Variants in TTLL7 observed in about 807,000 individuals in gnomAD.
TTLL7 encodes tubulin tyrosine ligase like 7.
Under a neutral mutation model 120.2 loss-of-function variants are expected in TTLL7, and 53 were observed. That is an observed-to-expected ratio of 0.44 (90% CI 0.35 to 0.55). TTLL7 has a LOEUF of 0.55. TTLL7 is among the 20% of genes least tolerant of loss of function. TTLL7 has a pLI of 0.00. For synonymous variants in TTLL7, 353 were observed against 351.7 expected, an observed-to-expected ratio of 1.00 and a Z score of -0.04; for missense variants, 803 against 1,054.7, an observed-to-expected ratio of 0.76 and a Z score of 3.31.
intron 17 of TTLL7, 130 bp from the exon 18 acceptor site, chr1:83,904,289 G>C (rs907632948): frequency 3.1e-6 from 2 of 646,722 alleles, no homozygotes; most frequent in African/African-American, 1.9e-5. Context: ...CATGTGCAAA[G>C]ATTTCTAATA....
At chr1:83,885,167 T>C (rs1654874605) in intron 19 of TTLL7, 2 of 187,022 alleles carry the variant, frequency 1.1e-5, no homozygotes, top group Non-Finnish European at 2.0e-5. Context: ...AAATTTCATA[T>C]ACATGTGAAT....
At chr1:83,997,096 T>C (rs1419846158) in intron 1 of TTLL7, among the ~76,000 whole-genome samples, 12 of 152,172 alleles carry the variant, frequency 7.9e-5, no homozygotes, top group East Asian at 1.9e-4. Context: ...AAATATAAAT[T>C]TGTGCCTCCA....
At chr1:83,892,928 G>GAGAAAGAAAGAAA (rs150081804) in intron 18 of TTLL7, among the ~76,000 whole-genome samples, 53,984 of 102,392 alleles carry the variant, frequency 0.53, 13,466 homozygotes, top group Admixed American at 0.59. Context: ...GAAAGAAAAA[G>GAGAAAGAAAGAAA]AGAAAGAAAG....
intron 18 of TTLL7, among the ~76,000 whole-genome samples, chr1:83,892,881 C>A (rs1468977183): frequency 5.4e-4 from 30 of 56,046 alleles, no homozygotes; most frequent in Non-Finnish European, 6.3e-4. Context: ...AAGAAAAGAG[C>A]AAAAAGAGAG....
In TTLL7 at chr1:83,921,298, G is replaced by A. The variant is rs773578261; in HGVS notation, c.1239C>T (p.Ser413=). The part of the protein sequence containing the change: ...QNSIKRLLPG[S]SDWEQQRHQL... ...GGTGTCTCTGCTGTTCCCAGTCTGA[G>A]GAGCCTGGTAAGAGCCTTTTAATTG... The change falls in exon 11 of 21, where the codon TCC becomes TCT. Residue 413 remains serine (S), a synonymous_variant. Coordinates refer to ENST00000260505, the MANE Select transcript of TTLL7 (RefSeq NM_024686.6). The A allele has an allele frequency of 6.2e-7, 1 of 1,613,268 alleles. No homozygotes were observed. Among genetic ancestry groups the A allele is most frequent in the Non-Finnish European group, 8.5e-7 (1 of 1,179,774 alleles).
rs1178141526 is a variant in TTLL7 at position 83,921,384 on chromosome 1, T to G, written c.1153A>C (p.Lys385Gln). The G allele has an allele frequency of 6.2e-7, 1 of 1,611,138 alleles. No individual in the cohort carries two copies. The highest frequency in any genetic ancestry group is 1.1e-5 in the South Asian group (1 of 90,910). ...TTTTGTTTGGCCAAGTTTCTTCTTTTGTCACTGGTCCTAAAATATAAAACA... is the reference window on the plus strand; with the variant it reads ...TTTTGTTTGGCCAAGTTTCTTCTTTGGTCACTGGTCCTAAAATATAAAACA... The part of the protein sequence containing the change: ...LKLLNIRTSD[K>Q]RRNLAKQKAE... The change falls in exon 11 of 21, where the codon AAA becomes CAA. Residue 385 changes from lysine (K) to glutamine (Q), a missense_variant. Coordinates refer to ENST00000260505, the MANE Select transcript of TTLL7 (RefSeq NM_024686.6).
chr1:83,905,436 AGT>A (rs1657104964), intron 17 of TTLL7, among the ~76,000 whole-genome samples: 1 of 151,726 alleles, frequency 6.6e-6, no homozygotes, highest in South Asian at 2.1e-4. Flanking sequence ...ACAGGTCTAA[AGT>A]ATATGCTAAA....
chr1:83,890,614 T>C (rs1222462683), intron 18 of TTLL7, 133 bp from the exon 19 acceptor site: 6 of 619,224 alleles, frequency 9.7e-6, no homozygotes, highest in East Asian at 3.3e-5. Flanking sequence ...CAAAACTGTT[T>C]TAAAAATTAG....
chr1:83,952,961 G>A (rs1369331469), intron 1 of TTLL7, among the ~76,000 whole-genome samples: 2 of 152,130 alleles, frequency 1.3e-5, no homozygotes, highest in East Asian at 1.9e-4. Flanking sequence ...GCAGGGTAGA[G>A]GTCACATGTT....
intron 1 of TTLL7, among the ~76,000 whole-genome samples, chr1:83,954,004 A>G (rs930367030): frequency 2.0e-5 from 3 of 152,208 alleles, no homozygotes; most frequent in Admixed American, 6.5e-5. Context: ...AGAAAGGAGT[A>G]GTGTAAAGTT....
chr1:83,943,483 C>A (rs1417969136), intron 6 of TTLL7, among the ~76,000 whole-genome samples: 2 of 152,164 alleles, frequency 1.3e-5, no homozygotes, highest in Non-Finnish European at 2.9e-5. Context: ...TCCCAACAAT[C>A]ATGCACACAC....
rs539454148 is a variant in TTLL7 at position 83,990,482 on chromosome 1, C to T, written c.-177+8449G>A. ...GAGCCACCGCGCCCGGCCTGGATGC[C>T]TTTTATTTCTTTCTCTTGCCTGATT... is the stretch of plus-strand genomic sequence containing the variant. On this transcript the variant is annotated intron_variant, in intron 1 of 20. Coordinates refer to ENST00000260505, the MANE Select transcript of TTLL7 (RefSeq NM_024686.6). Among the ~76,000 whole-genome samples, 7 of 152,298 alleles carry T rather than the reference C, an allele frequency of 4.6e-5. No homozygotes were observed. The South Asian group carries it at 1.5e-3, about 32-fold the overall frequency.
chr1:83,870,190 T>C (rs1653231668), intron 20 of TTLL7, 108 bp from the exon 21 acceptor site: 1 of 1,059,992 alleles, frequency 9.4e-7, no homozygotes. Context: ...AATGTTACTG[T>C]AACAAAAATG....
At position 83,911,241 on chromosome 1, in the gene TTLL7, G is replaced by A. The variant is rs74351592; in HGVS notation, c.1710C>T (p.Tyr570=). The stretch of plus-strand genomic sequence containing the variant: ...CTTGCTTTTCTCTTTTCTTATTTTG[G>A]TACTCTTCTTTTTCATTTTCGTCAG... ...SESDENEKEE[Y]QNKKREKQVT... Residue 570 remains tyrosine, a synonymous_variant, in exon 15 of 21, where the codon TAC becomes TAT. Coordinates refer to ENST00000260505, the MANE Select transcript of TTLL7 (RefSeq NM_024686.6). 1 of 1,612,858 alleles carries A rather than the reference G, an allele frequency of 6.2e-7. No homozygotes were observed. The highest frequency in any genetic ancestry group is 8.5e-7 in the Non-Finnish European group (1 of 1,179,158).
At chr1:83,940,733 A>G (rs1184939947) in intron 7 of TTLL7, among the ~76,000 whole-genome samples, 1 of 152,104 alleles carries the variant, frequency 6.6e-6, no homozygotes. Flanking sequence ...TTCCTTCCAT[A>G]TATGGTCAGA....
intron 19 of TTLL7, chr1:83,890,076 A>G (rs919039296): frequency 1.8e-6 from 1 of 560,424 alleles, no homozygotes; most frequent in East Asian, 4.0e-5. Flanking sequence ...ATTGGTTTGT[A>G]TTTTCTTTAA....
rs74956810 is a variant in TTLL7 at position 83,983,046 on chromosome 1, A to T, written c.-177+15885T>A. Among the ~76,000 whole-genome samples the T allele has an allele frequency of 6.1e-4, 93 of 152,246 alleles. No homozygotes were observed. The East Asian group carries it at 0.016, about 26-fold the overall frequency. On this transcript the variant is annotated intron_variant, in intron 1 of 20. Coordinates refer to ENST00000260505, the MANE Select transcript of TTLL7 (RefSeq NM_024686.6). ...ACAAAGTCGACAAAAATAAGCAATA[A>T]GGGGCCAGGCAATAAGGGCTCACAC...
At chr1:83,995,527 C>T (rs1041874761) in intron 1 of TTLL7, among the ~76,000 whole-genome samples, 13 of 152,026 alleles carry the variant, frequency 8.6e-5, no homozygotes, top group South Asian at 2.1e-4. Context: ...CATGATTGGA[C>T]GCTTCCTAAG....
In TTLL7 at chr1:83,930,151, A is replaced by T. The variant is rs574687703; in HGVS notation, c.1048-921T>A. Among the ~76,000 whole-genome samples, 130 of 152,320 alleles carry T rather than the reference A, an allele frequency of 8.5e-4. No homozygotes were observed. In the South Asian group the frequency reaches 0.012, roughly 14 times the overall value. On this transcript the variant is annotated intron_variant, in intron 9 of 20. Transcript: ENST00000260505. ...AAAGATACCTGTAATCCCACTACTT[A>T]ACACTTAGTGTCGTGTTAACCGTTT...
Sources: allele counts gnomAD v4.1 joint callset (sites outside exome capture counted in the v4.1 genomes callset), GRCh38; gene constraint gnomAD v4.1.1; transcripts MANE v1.5; gene names NCBI Gene and HGNC (gene_info 2026-07-23, HGNC 2026-07-21).